PCDH9: variants seen among roughly 807,000 people sequenced by gnomAD.
PCDH9 encodes protocadherin-9.
A neutral mutation model predicts 70.6 loss-of-function variants in PCDH9; 24 were observed. That is an observed-to-expected ratio of 0.34 (90% CI 0.25 to 0.48). The LOEUF is 0.48. PCDH9 is among the 20% of genes least tolerant of loss of function. PCDH9 has a pLI of 0.99. For synonymous variants in PCDH9, 562 were observed against 558.5 expected (o/e 1.01, Z -0.09); for missense variants, 1,281 against 1,503.6 (o/e 0.85, Z 2.45).
intron 3 of PCDH9, among the ~76,000 whole-genome samples, chr13:66,660,016 T>C (rs901219421): frequency 1.3e-5 from 2 of 152,192 alleles, no homozygotes; most frequent in African/African-American, 4.8e-5. Context: ...TTTCCAATGT[T>C]TGGAGCTAAA....
chr13:66,789,144 C>A (rs886441129), intron 3 of PCDH9, among the ~76,000 whole-genome samples: 1 of 152,186 alleles, frequency 6.6e-6, no homozygotes, highest in Admixed American at 6.5e-5. Context: ...TTTATAGCTA[C>A]TGTCTTCTTT....
intron 3 of PCDH9, among the ~76,000 whole-genome samples, chr13:66,814,151 C>G (rs572460642): frequency 1.5e-4 from 23 of 152,186 alleles, no homozygotes; most frequent in African/African-American, 5.5e-4. Flanking sequence ...AGGTACTTAA[C>G]GCTCTTTTTA....
At chr13:66,377,679 G>C (rs1566280290) in intron 4 of PCDH9, among the ~76,000 whole-genome samples, 1 of 152,150 alleles carries the variant, frequency 6.6e-6, no homozygotes, top group Non-Finnish European at 1.5e-5. Context: ...GAAAAAAGCA[G>C]GGAGAGTGAG....
intron 3 of PCDH9, among the ~76,000 whole-genome samples, chr13:66,723,228 T>G (rs2078964948): frequency 6.6e-6 from 1 of 152,092 alleles, no homozygotes; most frequent in Non-Finnish European, 1.5e-5. Context: ...CATATCTGCT[T>G]CTTCAGCTTC....
Position 67,227,882 on chromosome 13 carries a change from C to T in PCDH9, c.559G>A (p.Val187Ile), listed in dbSNP as rs2089918240. Reference protein sequence around the residue: ...QHYELLNGQSVFGLDIVETPE... With the variant: ...QHYELLNGQSIFGLDIVETPE... ...GTTTCCACGATATCCAGTCCAAAAA[C>T]ACTCTGCCCATTTAACAATTCATAA... Residue 187 changes from valine to isoleucine, a missense_variant, in exon 2 of 5, where the codon GTT (valine) becomes ATT (isoleucine). Val to Ile is a conservative substitution (Grantham distance 29, BLOSUM62 3). Transcript: ENST00000377865. This position sits in a 1 kb window ranked among gnomAD's most constrained non-coding sequence, Gnocchi z 4.6. 1 of 1,614,074 alleles carries T rather than the reference C, an allele frequency of 6.2e-7. No homozygotes were observed.
At chr13:66,610,019 G>A (rs1372218032) in intron 4 of PCDH9, among the ~76,000 whole-genome samples, 5 of 147,680 alleles carry the variant, frequency 3.4e-5, no homozygotes, top group African/African-American at 5.0e-5. Flanking sequence ...GTGCAGTGGC[G>A]AGATCTCGGC....
intron 4 of PCDH9, among the ~76,000 whole-genome samples, chr13:66,395,849 T>A (rs1957094055): frequency 6.6e-6 from 1 of 152,152 alleles, no homozygotes; most frequent in Admixed American, 6.6e-5. Flanking sequence ...TGTGCTGTAT[T>A]CTGATTAGTA....
chr13:66,425,778 C>T (rs1356818737), intron 4 of PCDH9, among the ~76,000 whole-genome samples: 1 of 151,582 alleles, frequency 6.6e-6, no homozygotes, highest in East Asian at 1.9e-4. Context: ...GTTAGAATGA[C>T]TAATACTTAT....
chr13:66,980,730 G>GTTTTTTTTGTTTT (rs2083730608), intron 2 of PCDH9, among the ~76,000 whole-genome samples: 4 of 70,872 alleles, frequency 5.6e-5, no homozygotes, highest in African/African-American at 5.3e-5. Context: ...TTTTTTCTTT[G>GTTTTTTTTGTTTT]TTTTTTTTTT....
At chr13:66,309,129 A>G (rs1955520415) in intron 4 of PCDH9, among the ~76,000 whole-genome samples, 1 of 152,036 alleles carries the variant, frequency 6.6e-6, no homozygotes, top group African/African-American at 2.4e-5. Flanking sequence ...TTAAATAGGG[A>G]AAAGTTTAAT....
chr13:66,356,526 T>G (rs1410077880), intron 4 of PCDH9, among the ~76,000 whole-genome samples: 1 of 152,134 alleles, frequency 6.6e-6, no homozygotes, highest in Non-Finnish European at 1.5e-5. Flanking sequence ...TATTTTCTTT[T>G]TTCTTTGTCG....
intron 2 of PCDH9, among the ~76,000 whole-genome samples, chr13:67,085,770 G>C (rs1414753928): frequency 6.6e-6 from 1 of 152,156 alleles, no homozygotes; most frequent in Non-Finnish European, 1.5e-5. Context: ...CTTTGGACAA[G>C]GAAGGAGTTT....
At chr13:66,970,497 A>C (rs960288504) in intron 2 of PCDH9, among the ~76,000 whole-genome samples, 1 of 151,494 alleles carries the variant, frequency 6.6e-6, no homozygotes, top group African/African-American at 2.4e-5. Flanking sequence ...AAAATCAATC[A>C]GGTGTAGTGA....
At chr13:66,482,840 A>G (rs1193571573) in intron 4 of PCDH9, among the ~76,000 whole-genome samples, 1 of 152,186 alleles carries the variant, frequency 6.6e-6, no homozygotes, top group Non-Finnish European at 1.5e-5. Context: ...TAGAAATCCA[A>G]TCTGCATCAC....
intron 4 of PCDH9, among the ~76,000 whole-genome samples, chr13:66,380,176 GAT>G (rs1456897954): frequency 6.6e-6 from 1 of 152,076 alleles, no homozygotes; most frequent in African/African-American, 2.4e-5. Context: ...TGGTGGCAGC[GAT>G]ATAGATTTTA....
intron 3 of PCDH9, among the ~76,000 whole-genome samples, chr13:66,873,396 T>C (rs963740608): frequency 2.0e-5 from 3 of 152,174 alleles, no homozygotes; most frequent in African/African-American, 7.2e-5. Flanking sequence ...GGGGAAGGAA[T>C]AGTGAATGTC....
At chr13:66,322,226 C>T (rs1043507763) in intron 4 of PCDH9, among the ~76,000 whole-genome samples, 5 of 151,844 alleles carry the variant, frequency 3.3e-5, no homozygotes, top group Admixed American at 6.6e-5. Flanking sequence ...ACAAAATATA[C>T]CAAGTGAATG....
At chr13:66,644,502 C>T (rs1170001457) in intron 3 of PCDH9, among the ~76,000 whole-genome samples, 4 of 151,806 alleles carry the variant, frequency 2.6e-5, no homozygotes, top group African/African-American at 2.4e-5. Flanking sequence ...TAACAGACTT[C>T]GGGCAATTTT....
At chr13:66,755,199 G>T (rs1336106062) in intron 3 of PCDH9, among the ~76,000 whole-genome samples, 4 of 148,680 alleles carry the variant, frequency 2.7e-5, no homozygotes, top group Non-Finnish European at 6.0e-5. Context: ...CATGGGAACA[G>T]AATAAATTTA....
Sources: gnomAD v4.1 joint callset for allele counts (sites outside exome capture counted in the v4.1 genomes callset) on GRCh38, gnomAD v4.1.1 for gene constraint, Gnocchi (gnomAD v3.1) non-coding constraint, MANE v1.5 for transcripts, NCBI Gene and HGNC (gene_info 2026-07-23, HGNC 2026-07-21) for gene names.